The following PLCG2 variants were observed in gnomAD, a reference collection of about 807,000 sequenced individuals.
The protein encoded by PLCG2 is 1-phosphatidylinositol 4,5-bisphosphate phosphodiesterase gamma-2.
PLCG2 carries 69 observed loss-of-function variants against 175.6 expected under a neutral mutation model. That is an observed-to-expected ratio of 0.39 (90% CI 0.32 to 0.48). PLCG2 has a LOEUF of 0.48. Among genes scored for constraint, PLCG2 ranks in the 20% least tolerant of loss-of-function variants. The pLI is 0.91. For missense variants in PLCG2, 1,798 were observed against 1,650.9 expected, an observed-to-expected ratio of 1.09 and a Z score of -1.54; for synonymous variants, 827 against 624.0, an observed-to-expected ratio of 1.33 and a Z score of -4.85.
chr16:81,880,864 G>C, intron 7 of PLCG2, 46 bp from the exon 8 acceptor site: 1 of 1,588,698 alleles, frequency 6.3e-7, no homozygotes, highest in Non-Finnish European at 8.6e-7. Flanking sequence ...TTTGCATTAA[G>C]TGACTTGTCT....
At chr16:81,781,255 T>G (rs972200400) in intron 1 of PLCG2, among the ~76,000 whole-genome samples, 1 of 152,220 alleles carries the variant, frequency 6.6e-6, no homozygotes, top group Non-Finnish European at 1.5e-5. Flanking sequence ...GTTGCAACTA[T>G]TGTCTGAAGC....
intron 30 of PLCG2, among the ~76,000 whole-genome samples, chr16:81,942,723 G>C (rs976332731): frequency 2.6e-5 from 4 of 152,110 alleles, no homozygotes. Context: ...ACTTGCTCAA[G>C]GTCACACACC....
In PLCG2 at chr16:81,854,483, A is replaced by T; in HGVS notation, c.233A>T (p.Asn78Ile). 6.2e-7 allele frequency: 1 copy of T among 1,614,044 alleles called. No individual in the cohort carries two copies. Among genetic ancestry groups the T allele is most frequent in the Non-Finnish European group, 8.5e-7 (1 of 1,179,914 alleles). ...MEIKEIRPGKNSKDFERAKAV... is the reference protein window; with the variant it reads ...MEIKEIRPGKISKDFERAKAV... ...ATAAAAGAAATCCGCCCAGGGAAGA[A>T]CTCCAAAGATTTCGAGCGAGCAAAA... The change falls in exon 3 of 33, where the codon AAC (asparagine) becomes ATC (isoleucine). Residue 78 changes from asparagine to isoleucine, a missense_variant. Physicochemically the swap from Asn to Ile is moderately radical, Grantham distance 149. Coordinates refer to ENST00000564138, the MANE Select transcript of PLCG2 (RefSeq NM_002661.5).
At chr16:81,956,490 T>C (rs1300769472) in intron 31 of PLCG2, among the ~76,000 whole-genome samples, 1 of 152,232 alleles carries the variant, frequency 6.6e-6, no homozygotes, top group East Asian at 1.9e-4. Flanking sequence ...GACCAAGCAC[T>C]TTTTAAACTG....
chr16:81,786,770 T>C (rs781693948), intron 2 of PLCG2, among the ~76,000 whole-genome samples: 17 of 152,224 alleles, frequency 1.1e-4, no homozygotes, highest in East Asian at 1.9e-4. Flanking sequence ...TTTTAACAAA[T>C]AGAGTAAAGG....
intron 13 of PLCG2, 125 bp from the exon 14 acceptor site, chr16:81,900,487 G>A (rs1381393611): frequency 2.7e-6 from 2 of 738,346 alleles, no homozygotes; most frequent in Non-Finnish European, 4.2e-6. Flanking sequence ...GGCAGATGTG[G>A]GGGTTGTGCC....
intron 2 of PLCG2, among the ~76,000 whole-genome samples, chr16:81,773,891 C>G (rs1381410878): frequency 1.3e-5 from 2 of 152,162 alleles, no homozygotes; most frequent in Non-Finnish European, 2.9e-5. Context: ...GTTCCTCCAA[C>G]TACACTCTGT....
chr16:81,946,083 C>A, intron 30 of PLCG2, 92 bp from the exon 31 acceptor site: 1 of 912,512 alleles, frequency 1.1e-6, no homozygotes, highest in Non-Finnish European at 1.8e-6. Context: ...ACCCTTTGAA[C>A]TAGGCCTATG....
At chr16:81,830,660 GTGTGTGTA>G (rs1051473999) in intron 2 of PLCG2, among the ~76,000 whole-genome samples, 6 of 151,220 alleles carry the variant, frequency 4.0e-5, no homozygotes, top group South Asian at 2.1e-4. Flanking sequence ...GTGTGTGTGT[GTGTGTGTA>G]TATATATATA....
At chr16:81,803,768 A>T (rs1198953203) in intron 2 of PLCG2, among the ~76,000 whole-genome samples, 1 of 148,548 alleles carries the variant, frequency 6.7e-6, no homozygotes, top group Non-Finnish European at 1.5e-5. Flanking sequence ...TGCATCCTCT[A>T]CCTCCTGGAT....
chr16:81,743,552 G>T (rs1025643564), intron 1 of PLCG2, among the ~76,000 whole-genome samples: 10 of 152,206 alleles, frequency 6.6e-5, no homozygotes, highest in African/African-American at 2.4e-4. Flanking sequence ...AAAGGGGTGA[G>T]GTTGGGCTCA....
intron 18 of PLCG2, among the ~76,000 whole-genome samples, chr16:81,911,466 G>A (rs2143659962): frequency 6.6e-6 from 1 of 152,206 alleles, no homozygotes; most frequent in African/African-American, 2.4e-5. Context: ...GAGACAAGGT[G>A]TTGCTCTGTT....
chr16:81,937,067 G>A (rs1287645207), intron 27 of PLCG2, among the ~76,000 whole-genome samples: 1 of 152,180 alleles, frequency 6.6e-6, no homozygotes, highest in African/African-American at 2.4e-5. Flanking sequence ...AAGGCAGGGT[G>A]GGTCAAACAG....
chr16:81,765,155 A>G (rs1252637786), intron 2 of PLCG2, among the ~76,000 whole-genome samples: 9 of 152,250 alleles, frequency 5.9e-5, no homozygotes, highest in Admixed American at 5.9e-4. Context: ...GGACACAGAG[A>G]CATGCACAGA....
intron 1 of PLCG2, among the ~76,000 whole-genome samples, chr16:81,741,247 C>T (rs921907209): frequency 4.6e-5 from 7 of 152,082 alleles, no homozygotes; most frequent in African/African-American, 1.7e-4. Flanking sequence ...AGGTATTGTG[C>T]TGGGGCTTTG....
Position 81,937,738 on chromosome 16 carries a change from G to T in PLCG2, c.3053-20G>T. On this transcript the variant is annotated intron_variant, in intron 27 of 32. Transcript: ENST00000564138. ...CGTGCTCATGCCTGACTTACAGCAG[G>T]CGTTCACTTTCCTTCCCAGATAAGT... 1.9e-6 allele frequency: 3 copies of T among 1,610,298 alleles called. No homozygotes were observed. Among genetic ancestry groups the T allele is most frequent in the African/African-American group, 1.3e-5 (1 of 74,884 alleles).
chr16:81,799,297 C>G (rs1474069472), intron 2 of PLCG2, among the ~76,000 whole-genome samples: 6 of 151,940 alleles, frequency 3.9e-5, no homozygotes, highest in Non-Finnish European at 8.8e-5. Flanking sequence ...TTTTGTCCAA[C>G]AAAACTTTAT....
chr16:81,867,797 A>T (rs985799974), intron 5 of PLCG2, among the ~76,000 whole-genome samples: 2 of 151,660 alleles, frequency 1.3e-5, no homozygotes, highest in Non-Finnish European at 2.9e-5. Flanking sequence ...TCCCGAATTC[A>T]CGCCATTCTT....
At position 81,742,662 on chromosome 16, in the gene PLCG2, G is replaced by C. The variant is rs1477709225; in HGVS notation, c.-145+3277G>C. On this transcript the variant is annotated intron_variant, in intron 1 of 5. Coordinates refer to the PLCG2 transcript ENST00000565054. Reference sequence around the variant, plus strand: ...GCATCCCACTGCTTTCAGGGAGCTGGTGGGGAGAACTCAAGACAGATGATA... The same window carrying C: ...GCATCCCACTGCTTTCAGGGAGCTGCTGGGGAGAACTCAAGACAGATGATA... 3.9e-5 allele frequency among the ~76,000 whole-genome samples: 6 copies of C among 152,200 alleles called. No homozygotes were observed. In the South Asian group the frequency reaches 1.0e-3, roughly 26 times the overall value.
Sources: gnomAD v4.1 joint callset for allele counts (sites outside exome capture counted in the v4.1 genomes callset) on GRCh38, gnomAD v4.1.1 for gene constraint, MANE v1.5 for transcripts, NCBI Gene and HGNC (gene_info 2026-07-23, HGNC 2026-07-21) for gene names.